The following PLA2R1 variants were observed in gnomAD, a reference collection of about 807,000 sequenced individuals.
The protein encoded by PLA2R1 is phospholipase A2 receptor 1.
Under a neutral mutation model 195.9 loss-of-function variants are expected in PLA2R1, and 158 were observed. The observed-to-expected ratio is 0.81, with a 90% CI of 0.71 to 0.92. The LOEUF (loss-of-function observed/expected upper bound fraction) is 0.92, where lower values mean the gene tolerates loss of function less well. Among genes scored for constraint, PLA2R1 ranks in the 40% least tolerant of loss-of-function variants. PLA2R1 has a pLI of 0.00. For missense variants in PLA2R1, 1,626 were observed against 1,764.6 expected (o/e 0.92, Z 1.41); for synonymous variants, 586 against 598.2 (o/e 0.98, Z 0.30).
chr2:159,949,524 T>C, intron 25 of PLA2R1, 84 bp downstream of exon 25: 1 of 955,568 alleles, frequency 1.0e-6, no homozygotes, highest in South Asian at 1.7e-5. Flanking sequence ...ACTATACTCA[T>C]CCTCATATCC....
chr2:159,928,578 C>T (rs889769443), downstream of PLA2R1, among the ~76,000 whole-genome samples: 3 of 152,164 alleles, frequency 2.0e-5, no homozygotes, highest in Non-Finnish European at 4.4e-5. Flanking sequence ...AATGACCATA[C>T]TGCCAAAAGC....
intron 20 of PLA2R1, among the ~76,000 whole-genome samples, chr2:159,959,391 C>T (rs1014373303): frequency 1.3e-5 from 2 of 152,150 alleles, no homozygotes; most frequent in Non-Finnish European, 2.9e-5. Context: ...GCAATTACCA[C>T]GACTTCATTG....
chr2:159,958,039 C>A lies in PLA2R1; in HGVS notation c.2905-1412G>T, dbSNP rs184554267. Among the ~76,000 whole-genome samples, 35 of 152,252 alleles carry A rather than the reference C, an allele frequency of 2.3e-4. No individual in the cohort carries two copies. In the East Asian group the frequency reaches 5.0e-3, roughly 22 times the overall value. The stretch of plus-strand genomic sequence containing the variant: ...CACTTGAAAAAGCATCCTTTCCTAC[C>A]TTATTTTGAAATGATATCTGATATA... On this transcript the variant is annotated intron_variant, in intron 20 of 29. Transcript: ENST00000283243.
chr2:160,029,765 C>T (rs754578133), intron 4 of PLA2R1, among the ~76,000 whole-genome samples: 11 of 151,930 alleles, frequency 7.2e-5, no homozygotes, highest in Non-Finnish European at 1.6e-4. Context: ...AGCAAAATTT[C>T]GGGGGGAAAA....
At chr2:159,952,399 T>C (rs1687798782) in intron 23 of PLA2R1, among the ~76,000 whole-genome samples, 1 of 152,212 alleles carries the variant, frequency 6.6e-6, no homozygotes, top group Non-Finnish European at 1.5e-5. Flanking sequence ...TTAGGATATG[T>C]ATAGAACATA....
At chr2:160,025,588 C>CAAAAAAG (rs1693456700) in intron 6 of PLA2R1, among the ~76,000 whole-genome samples, 1 of 52,868 alleles carries the variant, frequency 1.9e-5, no homozygotes, top group Non-Finnish European at 3.2e-5. Flanking sequence ...AACCATAAAG[C>CAAAAAAG]AAAAAAAAAA....
At chr2:160,007,658 C>T (rs1379131719) in intron 10 of PLA2R1, among the ~76,000 whole-genome samples, 3 of 152,052 alleles carry the variant, frequency 2.0e-5, no homozygotes, top group Non-Finnish European at 4.4e-5. Flanking sequence ...TACACAAAGA[C>T]TTGTATACTG....
At chr2:160,045,629 A>G (rs1207797360) in intron 1 of PLA2R1, among the ~76,000 whole-genome samples, 1 of 152,232 alleles carries the variant, frequency 6.6e-6, no homozygotes. Flanking sequence ...TCTACCATCA[A>G]GTTCCTATAG....
At chr2:160,001,771 T>C (rs1342622529) in intron 11 of PLA2R1, among the ~76,000 whole-genome samples, 3 of 151,944 alleles carry the variant, frequency 2.0e-5, no homozygotes, top group Admixed American at 6.6e-5. Flanking sequence ...ATCACAATTC[T>C]AAACTTGTAT....
At position 159,976,114 on chromosome 2, in the gene PLA2R1, A is replaced by T; in HGVS notation, c.2549T>A (p.Ile850Asn). 1 of 1,613,314 alleles carries T rather than the reference A, an allele frequency of 6.2e-7. No individual in the cohort carries two copies. Among genetic ancestry groups the T allele is most frequent in the Non-Finnish European group, 8.5e-7 (1 of 1,179,414 alleles). ...GAATTCTTGCTCATGTGCAGAATGA[A>T]TTGTGAGAAGATCACTGTGCAGCCA... ...CSWLHSDLLT[I>N]HSAHEQEFIH... The change falls in exon 17 of 30, where the codon ATT becomes AAT. Residue 850 changes from isoleucine (I) to asparagine (N), a missense_variant. Ile to Asn is a moderately radical substitution (Grantham distance 149, BLOSUM62 -3). Transcript: ENST00000283243.
intron 20 of PLA2R1, among the ~76,000 whole-genome samples, chr2:159,965,403 T>TAG (rs2105216127): frequency 6.6e-6 from 1 of 152,286 alleles, no homozygotes; most frequent in African/African-American, 2.4e-5. Context: ...TACAGTATTG[T>TAG]AGGCTTTTCA....
chr2:160,038,876 C>T lies in PLA2R1; in HGVS notation c.667+3149G>A, dbSNP rs113524145. On this transcript the variant is annotated intron_variant, in intron 3 of 29. Transcript: ENST00000283243. ...TTTTTGTGGAGGGCGGGAGCGGGGG[C>T]AGGCGGGCGGCGACAGAGTCTTGCT... Among the ~76,000 whole-genome samples the T allele has an allele frequency of 5.9e-3, 901 of 152,026 alleles. 5 individuals are homozygous for T. Among genetic ancestry groups the T allele is most frequent in the Middle Eastern group, 0.054 (16 of 294 alleles).
chr2:159,930,149 C>T (rs529805551), downstream of PLA2R1, among the ~76,000 whole-genome samples: 3 of 152,234 alleles, frequency 2.0e-5, no homozygotes, highest in South Asian at 6.2e-4. Flanking sequence ...TGGCTCACGC[C>T]GGTAATCCCA....
chr2:160,021,824 CAA>C (rs1693148505), intron 7 of PLA2R1, among the ~76,000 whole-genome samples: 1 of 152,028 alleles, frequency 6.6e-6, no homozygotes, highest in African/African-American at 2.4e-5. Flanking sequence ...AAAAAAGGAG[CAA>C]AACCTCTTAA....
At position 160,026,908 on chromosome 2, in the gene PLA2R1, C is replaced by T. The variant is rs545707958; in HGVS notation, c.1099+1310G>A. Among the ~76,000 whole-genome samples the T allele has an allele frequency of 2.1e-4, 32 of 152,216 alleles. 1 individual carries two copies. In the South Asian group the frequency reaches 4.8e-3, roughly 23 times the overall value. On this transcript the variant is annotated intron_variant, in intron 6 of 29. Transcript: ENST00000283243. ...CAGCACTTTGGGAGGCTGAGGTGGG[C>T]GGACTGCCTCAGGTCAGGAGTTCGA... is the stretch of plus-strand genomic sequence containing the variant.
At chr2:160,051,523 G>A (rs1360134166) in intron 1 of PLA2R1, among the ~76,000 whole-genome samples, 1 of 152,208 alleles carries the variant, frequency 6.6e-6, no homozygotes, top group East Asian at 1.9e-4. Context: ...ATCTGGAGGT[G>A]AGCAGCTTCT....
Position 159,949,608 on chromosome 2 carries a change from C to T in PLA2R1, c.3709G>A (p.Glu1237Lys), listed in dbSNP as rs771213688. The change falls in exon 25 of 30, where the codon GAA becomes AAA. Residue 1237 changes from glutamate to lysine, a missense_variant and splice_region_variant. Coordinates refer to ENST00000283243, the MANE Select transcript of PLA2R1 (RefSeq NM_007366.5). ...LQGAICHVPP[E>K]TRQSEHPELC... ...TTGAGTTGAATAGAATTGAACCTAC[C>T]AGGTGGCACATGACAAATGGCACCT... 1 of 1,610,990 alleles carries T rather than the reference C, an allele frequency of 6.2e-7. No homozygotes were observed. The highest frequency in any genetic ancestry group is 2.2e-5 in the East Asian group (1 of 44,838).
chr2:160,038,364 G>A (rs987347807), intron 3 of PLA2R1, among the ~76,000 whole-genome samples: 2 of 152,180 alleles, frequency 1.3e-5, no homozygotes, highest in South Asian at 4.1e-4. Context: ...CTGATATGAT[G>A]GTCTAGGGTG....
chr2:160,062,502 G>A lies in PLA2R1; in HGVS notation c.-99C>T. The A allele has an allele frequency of 7.0e-7, 1 of 1,419,686 alleles. No individual in the cohort carries two copies. Among genetic ancestry groups the A allele is most frequent in the Non-Finnish European group, 9.1e-7 (1 of 1,093,234 alleles). The allele number at this position is 1,419,686 out of a possible 1,614,324, so 87.9% of individuals were successfully genotyped here. A position where few individuals can be genotyped will look rare whatever the true frequency, so the allele number is the denominator to read the frequency against. On this transcript the variant is annotated 5_prime_UTR_variant, in exon 1 of 30. Transcript: ENST00000283243. ...AAGCACCCGGCCCCGCCGCGCGGAA[G>A]CGGATCCGTAGCCTCCTCCGCGCCC...
Sources: gnomAD v4.1 joint callset for allele counts (sites outside exome capture counted in the v4.1 genomes callset) on GRCh38, gnomAD v4.1.1 for gene constraint, MANE v1.5 for transcripts, NCBI Gene and HGNC (gene_info 2026-07-23, HGNC 2026-07-21) for gene names.